SEMA3A: variants seen among roughly 807,000 people sequenced by gnomAD.
SEMA3A encodes the protein semaphorin-3A.
A neutral mutation model predicts 97.9 loss-of-function variants in SEMA3A; 29 were observed. That is an observed-to-expected ratio of 0.30 (90% CI 0.22 to 0.40). SEMA3A has a LOEUF of 0.40. Ranked by LOEUF, SEMA3A falls within the 10% of genes least tolerant of loss-of-function variation. The probability of loss-of-function intolerance (pLI) is 1.00; values close to 1 mark genes in which losing one functional copy is unlikely to be tolerated. For synonymous variants in SEMA3A, 321 were observed against 323.7 expected, an observed-to-expected ratio of 0.99 and a Z score of 0.09; for missense variants, 763 against 951.3, an observed-to-expected ratio of 0.80 and a Z score of 2.60.
chr7:84,188,629 C>T (rs1797953435), intron 1 of SEMA3A, among the ~76,000 whole-genome samples: 1 of 152,000 alleles, frequency 6.6e-6, no homozygotes, highest in South Asian at 2.1e-4. Context: ...AAGCACACAT[C>T]ATATAATATG....
intron 2 of SEMA3A, among the ~76,000 whole-genome samples, chr7:84,132,674 T>G (rs868237895): frequency 0.14 from 16,458 of 121,544 alleles, 1,504 homozygotes; most frequent in African/African-American, 0.24. Context: ...TTTTTTTTTT[T>G]TTTTTTTTTT....
chr7:84,008,428 T>C (rs995994822), intron 9 of SEMA3A, among the ~76,000 whole-genome samples: 2 of 149,220 alleles, frequency 1.3e-5, no homozygotes, highest in East Asian at 4.0e-4. Flanking sequence ...GAGGTAGAGC[T>C]TGCAGTGAGC....
intron 1 of SEMA3A, among the ~76,000 whole-genome samples, chr7:84,408,196 G>GA (rs1199893746): frequency 6.6e-6 from 1 of 151,842 alleles, no homozygotes; most frequent in Non-Finnish European, 1.5e-5. Flanking sequence ...AAATTTACAA[G>GA]AAAAAAACAA....
chr7:84,338,564 AG>A (rs1440214864), intron 2 of SEMA3A, among the ~76,000 whole-genome samples: 1 of 152,184 alleles, frequency 6.6e-6, no homozygotes, highest in Non-Finnish European at 1.5e-5. Context: ...ATAATACTCC[AG>A]GATTATTCCT....
intron 2 of SEMA3A, among the ~76,000 whole-genome samples, chr7:84,326,256 G>C (rs1002854898): frequency 5.3e-5 from 8 of 152,188 alleles, no homozygotes; most frequent in African/African-American, 1.9e-4. Context: ...CTTATGCAAG[G>C]GCATTCATAG....
intron 1 of SEMA3A, among the ~76,000 whole-genome samples, chr7:84,376,505 G>A (rs1388060997): frequency 2.9e-5 from 4 of 139,172 alleles, no homozygotes; most frequent in African/African-American, 5.3e-5. Context: ...TTGGGAGGCT[G>A]AGGCAGGAGA....
At chr7:83,997,996 A>AAAG (rs1790288005) in intron 12 of SEMA3A, among the ~76,000 whole-genome samples, 1 of 152,144 alleles carries the variant, frequency 6.6e-6, no homozygotes, top group African/African-American at 2.4e-5. Flanking sequence ...TCGGCCTCCC[A>AAAG]AAGTGCTGGA....
In SEMA3A at chr7:84,216,740, G is replaced by A. The variant is rs114337962; in HGVS notation, c.-82-22072C>T. ...TTGCACATGCTTGGAATACATGGAC[G>A]TCCAGTTGACAGACTCTCCAAGAAA... On this transcript the variant is annotated intron_variant, in intron 3 of 3. Coordinates refer to the SEMA3A transcript ENST00000424555. 2.7e-3 allele frequency among the ~76,000 whole-genome samples: 409 copies of A among 152,114 alleles called. 1 individual carries two copies. Among genetic ancestry groups the A allele is most frequent in the African/African-American group, 9.6e-3 (397 of 41,528 alleles).
At position 84,115,600 on chromosome 7, in the gene SEMA3A, T is replaced by C. The variant is rs148893305; in HGVS notation, c.334-5011A>G. On this transcript the variant is annotated intron_variant, in intron 3 of 16. Transcript: ENST00000265362. ...ATTTTTAGGCTTATGTTTTCTTTTATATTATACTATCACTCTGATTCATCA... is the reference window on the plus strand; with the variant it reads ...ATTTTTAGGCTTATGTTTTCTTTTACATTATACTATCACTCTGATTCATCA... Among the ~76,000 whole-genome samples, 5 of 152,286 alleles carry C rather than the reference T, an allele frequency of 3.3e-5. No homozygotes were observed. The East Asian group carries it at 7.7e-4, about 24-fold the overall frequency.
intron 1 of SEMA3A, among the ~76,000 whole-genome samples, chr7:84,143,683 C>T (rs1278948822): frequency 4.0e-5 from 6 of 151,412 alleles, no homozygotes; most frequent in Non-Finnish European, 7.4e-5. Flanking sequence ...TAGCAAGATC[C>T]CATCTCTACT....
chr7:84,173,949 G>T (rs1318446859), intron 1 of SEMA3A, among the ~76,000 whole-genome samples: 1 of 152,190 alleles, frequency 6.6e-6, no homozygotes, highest in Non-Finnish European at 1.5e-5. Flanking sequence ...TCTAATGCAT[G>T]ATGATCTGAG....
intron 3 of SEMA3A, among the ~76,000 whole-genome samples, chr7:84,244,519 G>A (rs1027238377): frequency 6.6e-6 from 1 of 152,046 alleles, no homozygotes; most frequent in African/African-American, 2.4e-5. Flanking sequence ...TAGAGCACAC[G>A]GATGGGACTT....
intron 1 of SEMA3A, among the ~76,000 whole-genome samples, chr7:84,468,657 T>G (rs1399940408): frequency 6.6e-6 from 1 of 152,148 alleles, no homozygotes; most frequent in Non-Finnish European, 1.5e-5. Flanking sequence ...AAGGAACTCA[T>G]GTTAATATCA....
intron 5 of SEMA3A, among the ~76,000 whole-genome samples, chr7:84,052,170 C>G (rs1381490525): frequency 2.0e-5 from 3 of 151,788 alleles, no homozygotes; most frequent in East Asian, 1.9e-4. Flanking sequence ...GTCTAAAATT[C>G]TCTTTTTTGG....
chr7:84,162,542 T>A (rs906341531), intron 1 of SEMA3A, among the ~76,000 whole-genome samples: 1 of 152,036 alleles, frequency 6.6e-6, no homozygotes, highest in African/African-American at 2.4e-5. Context: ...TGATTCTAAG[T>A]ACAGCAATGG....
chr7:84,450,019 T>C (rs780809503), intron 1 of SEMA3A, among the ~76,000 whole-genome samples: 3 of 152,226 alleles, frequency 2.0e-5, no homozygotes, highest in Non-Finnish European at 4.4e-5. Flanking sequence ...TCTTGTCTAT[T>C]GTGAATAATG....
At chr7:84,075,164 C>T (rs1583921497) in intron 4 of SEMA3A, among the ~76,000 whole-genome samples, 1 of 151,078 alleles carries the variant, frequency 6.6e-6, no homozygotes, top group Non-Finnish European at 1.5e-5. Flanking sequence ...CCTCTGCCCT[C>T]ATTGACTTCA....
intron 12 of SEMA3A, among the ~76,000 whole-genome samples, chr7:83,990,243 A>G (rs1584513060): frequency 6.6e-6 from 1 of 152,110 alleles, no homozygotes; most frequent in Non-Finnish European, 1.5e-5. Flanking sequence ...AGTAGGTTGC[A>G]AAAATTTTCT....
intron 1 of SEMA3A, among the ~76,000 whole-genome samples, chr7:84,415,617 T>C (rs981490632): frequency 6.6e-6 from 1 of 152,144 alleles, no homozygotes; most frequent in South Asian, 2.1e-4. Flanking sequence ...ATAATGGGTA[T>C]GGAGGTGTTA....
Sources: allele counts gnomAD v4.1 joint callset (sites outside exome capture counted in the v4.1 genomes callset), GRCh38; gene constraint gnomAD v4.1.1; transcripts MANE v1.5; gene names NCBI Gene and HGNC (gene_info 2026-07-23, HGNC 2026-07-21).